DCAF8L2: variants seen among roughly 807,000 people sequenced by gnomAD.
DCAF8L2 encodes the protein DDB1 and CUL4 associated factor 8 like 2.
For missense variants in DCAF8L2, 430 were observed against 490.7 expected, an observed-to-expected ratio of 0.88 and a Z score of 1.17; for synonymous variants, 200 against 190.9, an observed-to-expected ratio of 1.05 and a Z score of -0.39.
chrX:27,572,959 G>A, the DCAF8L2 span, among the ~76,000 whole-genome samples: 1 of 110,731 alleles, frequency 9.0e-6, no homozygotes, highest in East Asian at 2.8e-4. Context: ...CCTCTATTGG[G>A]ATCAATCTTT....
chrX:27,653,069 A>G (rs1048069302), intron 2 of DCAF8L2, among the ~76,000 whole-genome samples: 14 of 111,700 alleles, frequency 1.3e-4, no homozygotes, highest in African/African-American at 4.6e-4. Context: ...TGACTTAACA[A>G]TGTTGTTCTT....
chrX:27,592,330 G>GGCAC (rs1926131005), intron 1 of DCAF8L2, among the ~76,000 whole-genome samples: 1 of 112,314 alleles, frequency 8.9e-6, no homozygotes, highest in Non-Finnish European at 1.9e-5. Context: ...ATGGAGCCGG[G>GGCAC]GCACGTTCCT....
chrX:27,567,146 C>G, the DCAF8L2 span, among the ~76,000 whole-genome samples: 1 of 110,806 alleles, frequency 9.0e-6, no homozygotes, highest in Admixed American at 9.7e-5. Flanking sequence ...GTTTTGTGAC[C>G]TAACAGGTTC....
the DCAF8L2 span, among the ~76,000 whole-genome samples, chrX:27,549,687 C>T: frequency 9.0e-6 from 1 of 111,443 alleles, no homozygotes; most frequent in Non-Finnish European, 1.9e-5. Flanking sequence ...ATACATATTG[C>T]ACAATTCAGA....
chrX:27,555,008 G>A, the DCAF8L2 span, among the ~76,000 whole-genome samples: 1 of 111,341 alleles, frequency 9.0e-6, no homozygotes, highest in East Asian at 2.8e-4. Flanking sequence ...ACCTGATAGA[G>A]AATGAATCAG....
At chrX:27,547,819 T>TC in the DCAF8L2 span, among the ~76,000 whole-genome samples, 2 of 88,125 alleles carry the variant, frequency 2.3e-5, no homozygotes, top group African/African-American at 8.4e-5. Flanking sequence ...CTTCCCCATT[T>TC]GCTCTCTCTC....
chrX:27,618,692 C>T (rs920443048), intron 1 of DCAF8L2, among the ~76,000 whole-genome samples: 3 of 110,780 alleles, frequency 2.7e-5, no homozygotes, highest in African/African-American at 9.8e-5. Context: ...GATTTGAACC[C>T]CCATGCGCCC....
chrX:27,512,810 A>AAAT, the DCAF8L2 span, among the ~76,000 whole-genome samples: 2 of 101,612 alleles, frequency 2.0e-5, no homozygotes, highest in African/African-American at 3.7e-5. Flanking sequence ...AAAAAAAAAA[A>AAAT]CAAAGCTGGA....
intron 4 of DCAF8L2, among the ~76,000 whole-genome samples, chrX:27,733,391 C>T (rs1159534592): frequency 8.9e-6 from 1 of 111,799 alleles, no homozygotes; most frequent in African/African-American, 3.3e-5. Flanking sequence ...TTTTTATTAT[C>T]GCCATTGATT....
upstream of DCAF8L2, among the ~76,000 whole-genome samples, chrX:27,587,984 AAATATAT>A (rs753188385): frequency 0.48 from 30,966 of 64,983 alleles, 4,565 homozygotes; most frequent in East Asian, 0.63. Flanking sequence ...TTAAAAAAAA[AAATATAT>A]ATATATATAT....
chrX:27,628,689 C>T (rs1445699991), intron 1 of DCAF8L2, among the ~76,000 whole-genome samples: 10 of 108,702 alleles, frequency 9.2e-5, no homozygotes, highest in East Asian at 8.8e-4. Context: ...CTGCAAGCTC[C>T]GCCTCCCGGG....
chrX:27,526,404 G>A, the DCAF8L2 span, among the ~76,000 whole-genome samples: 2 of 107,462 alleles, frequency 1.9e-5, no homozygotes, highest in East Asian at 5.9e-4. Context: ...CTCTACACTG[G>A]TTATTCTAGT....
the DCAF8L2 span, among the ~76,000 whole-genome samples, chrX:27,493,904 A>T: frequency 9.1e-6 from 1 of 110,128 alleles, no homozygotes; most frequent in African/African-American, 3.3e-5. Context: ...AGGATTTTTT[A>T]GGATGTTTAG....
chrX:27,647,456 C>T (rs1192042678), intron 2 of DCAF8L2, among the ~76,000 whole-genome samples: 3 of 111,373 alleles, frequency 2.7e-5, no homozygotes, highest in Non-Finnish European at 5.7e-5. Context: ...CTAATGCATG[C>T]TGGGCTTAAT....
the DCAF8L2 span, among the ~76,000 whole-genome samples, chrX:27,581,036 C>T: frequency 9.0e-6 from 1 of 111,722 alleles, no homozygotes; most frequent in Non-Finnish European, 1.9e-5. Context: ...AAACATTTTG[C>T]ACTCTTTTTT....
At chrX:27,711,972 ATTTG>A (rs1381876109) in intron 3 of DCAF8L2, among the ~76,000 whole-genome samples, 1 of 111,249 alleles carries the variant, frequency 9.0e-6, no homozygotes, top group Non-Finnish European at 1.9e-5. Flanking sequence ...AGGTTTTAGA[ATTTG>A]TTTGCATAAA....
chrX:27,655,726 A>C (rs1929326050), intron 2 of DCAF8L2, among the ~76,000 whole-genome samples: 1 of 111,644 alleles, frequency 9.0e-6, no homozygotes, highest in Non-Finnish European at 1.9e-5. Context: ...TTTATCATGT[A>C]GTCGTTGATA....
intron 4 of DCAF8L2, among the ~76,000 whole-genome samples, chrX:27,717,054 G>C (rs781747288): frequency 2.7e-5 from 3 of 112,130 alleles, no homozygotes; most frequent in Non-Finnish European, 5.6e-5. Context: ...CCCTGCAAAG[G>C]ACATGATCTC....
At chrX:27,500,330 T>TA in the DCAF8L2 span, among the ~76,000 whole-genome samples, 478 of 111,746 alleles carry the variant, frequency 4.3e-3, no homozygotes, top group Non-Finnish European at 6.1e-3. Flanking sequence ...TACCAATTGG[T>TA]AAAAATAGGA....
Sources: gnomAD v4.1 joint callset for allele counts (sites outside exome capture counted in the v4.1 genomes callset) on GRCh38, gnomAD v4.1.1 for gene constraint, MANE v1.5 for transcripts, NCBI Gene and HGNC (gene_info 2026-07-23, HGNC 2026-07-21) for gene names.